The following RIF1 variants were observed in gnomAD, a reference collection of about 807,000 sequenced individuals.
RIF1 encodes replication timing regulatory factor 1.
In RIF1, 45 loss-of-function variants were observed where a neutral mutation model predicts 247.1. The observed-to-expected ratio is 0.18, with a 90% CI of 0.14 to 0.23. The LOEUF is 0.23. Ranked by LOEUF, RIF1 falls within the 10% of genes least tolerant of loss-of-function variation. RIF1 has a pLI of 1.00. For synonymous variants in RIF1, 1,087 were observed against 978.8 expected (o/e 1.11, Z -2.06); for missense variants, 2,967 against 2,862.5 (o/e 1.04, Z -0.83).
At chr2:151,512,368 C>T (rs145672571), downstream of RIF1, among the ~76,000 whole-genome samples, 42 of 151,234 alleles carry the variant, frequency 2.8e-4, no homozygotes, top group African/African-American at 9.0e-4. Context: ...CACCCTGTCA[C>T]CCAGGGGACT....
chr2:151,516,370 G>T, the RIF1 span: 2 of 811,670 alleles, frequency 2.5e-6, no homozygotes. Flanking sequence ...ACCACTTTTG[G>T]ATGACAGGAA....
intron 17 of RIF1, 71 bp from the exon 18 acceptor site, chr2:151,443,458 G>A: frequency 7.0e-7 from 1 of 1,424,826 alleles, no homozygotes; most frequent in South Asian, 1.4e-5. Context: ...AGTTATTTTA[G>A]AATTTTGTTA....
rs376606463 is a variant in RIF1, at chr2:151,416,821, T to C, written c.423T>C (p.Ile141=). ...TCGTTTTTTAGGTATCCAGTATAAT[T>C]GATTCATTAGAAATACTGTTTAACA... The part of the protein sequence containing the change: ...EVVGKMVSSI[I]DSLEILFNKG... Residue 141 remains isoleucine (I), a synonymous_variant, in exon 6 of 36, where the codon ATT becomes ATC. Coordinates refer to ENST00000444746, the MANE Select transcript of RIF1 (RefSeq NM_018151.5). The C allele has an allele frequency of 3.7e-6, 6 of 1,611,162 alleles. No homozygotes were observed. The highest frequency in any genetic ancestry group is 1.1e-5 in the South Asian group (1 of 90,412).
At chr2:151,506,444 T>C (rs2068935294) in intron 13 of RIF1, 2 of 563,222 alleles carry the variant, frequency 3.6e-6, no homozygotes, top group Admixed American at 3.2e-5. Flanking sequence ...TTATACAACA[T>C]GGATCTTTCC....
chr2:151,425,911 T>C (rs1449244889), intron 8 of RIF1, among the ~76,000 whole-genome samples: 6 of 151,696 alleles, frequency 4.0e-5, no homozygotes, highest in African/African-American at 1.5e-4. Flanking sequence ...ACTTCTGAGC[T>C]CTAGAGATCC....
In RIF1 at chr2:151,475,137, C is replaced by G. The variant is rs2048867221; in HGVS notation, c.*66C>G. On this transcript the variant is annotated 3_prime_UTR_variant, in exon 36 of 36. Transcript: ENST00000444746. ...GATTTCTTGATTGAGGAAACAAGTT[C>G]TGAAATAATAGCACAATTTCAAAGA... 1 of 1,098,586 alleles carries G rather than the reference C, an allele frequency of 9.1e-7. No individual in the cohort carries two copies. Among genetic ancestry groups the G allele is most frequent in the African/African-American group, 1.6e-5 (1 of 64,482 alleles). The allele number at this position is 1,098,586 out of a possible 1,614,324, so 68.1% of individuals were successfully genotyped here. A position where few individuals can be genotyped will look rare whatever the true frequency, so the allele number is the denominator to read the frequency against.
intron 9 of RIF1, among the ~76,000 whole-genome samples, chr2:151,494,633 GT>G (rs1034174615): frequency 2.1e-4 from 31 of 150,552 alleles, no homozygotes; most frequent in African/African-American, 7.1e-4. Flanking sequence ...TCAGCTGTTT[GT>G]TTTTTTTTGT....
At chr2:151,496,699 A>AAACG (rs2060455906) in intron 10 of RIF1, among the ~76,000 whole-genome samples, 1 of 152,172 alleles carries the variant, frequency 6.6e-6, no homozygotes. Flanking sequence ...TTATCCACAC[A>AAACG]AACGGAAAAA....
intron 33 of RIF1, 130 bp from the exon 34 acceptor site, chr2:151,469,581 G>T: frequency 1.6e-6 from 1 of 617,456 alleles, no homozygotes; most frequent in Non-Finnish European, 2.5e-6. Context: ...ACATACATGT[G>T]CCTGTCTTCA....
rs534060762 is a variant in RIF1 at position 151,477,483 on chromosome 2, C to G, written c.*2412C>G. On this transcript the variant is annotated 3_prime_UTR_variant, in exon 36 of 36. Transcript: ENST00000444746. ...ATGCTGGAGTGCAATGGTGCGATCT[C>G]GGTTCACTGCAAGCTCTGCCTCCCA... 1 of 151,978 alleles carries G rather than the reference C, an allele frequency of 6.6e-6. No individual in the cohort carries two copies. The highest frequency in any genetic ancestry group is 2.1e-4 in the South Asian group (1 of 4,816). 9.4% of individuals were successfully genotyped at this position (151,978 alleles called of 1,614,324 possible). A position where few individuals can be genotyped will look rare whatever the true frequency, so the allele number is the denominator to read the frequency against.
At position 151,479,486 on chromosome 2, in the gene RIF1, GATC is replaced by G. The variant is rs1179564253; in HGVS notation, c.*4419_*4421del. On this transcript the variant is annotated 3_prime_UTR_variant, in exon 36 of 36. Coordinates refer to ENST00000444746, the MANE Select transcript of RIF1 (RefSeq NM_018151.5). ...TAAATAAATCTTGCCTTCTATTATG[GATC>G]ATCGTTATTAATAAACATGGAAAAT... The G allele has an allele frequency of 1.3e-5, 2 of 152,028 alleles. No homozygotes were observed. Among genetic ancestry groups the G allele is most frequent in the African/African-American group, 2.4e-5 (1 of 41,394 alleles). The allele number at this position is 152,028 out of a possible 1,614,324, so 9.4% of individuals were successfully genotyped here.
Position 151,477,120 on chromosome 2 carries a change from C to CTA in RIF1, c.*2050_*2051dup, listed in dbSNP as rs1196753738. On this transcript the variant is annotated 3_prime_UTR_variant, in exon 36 of 36. Transcript: ENST00000444746. ...ATATTTGGGAGCAAAGACAAGCATG[C>CTA]TAAATCTTCATTTTGCTATGGCTAT... is the stretch of plus-strand genomic sequence containing the variant. The CTA allele has an allele frequency of 6.6e-6, 1 of 152,162 alleles. No individual in the cohort carries two copies. Among genetic ancestry groups the CTA allele is most frequent in the Non-Finnish European group, 1.5e-5 (1 of 68,000 alleles). The allele number at this position is 152,162 out of a possible 1,614,324, so 9.4% of individuals were successfully genotyped here. A position where few individuals can be genotyped will look rare whatever the true frequency, so the allele number is the denominator to read the frequency against.
In RIF1 at chr2:151,464,137, A is replaced by C. The variant is rs1696579672; in HGVS notation, c.4617A>C (p.Arg1539Ser). Residue 1539 changes from arginine to serine, a missense_variant, in exon 30 of 36, where the codon AGA becomes AGC. Transcript: ENST00000444746. Reference protein sequence around the residue: ...LVRGRTRYQTRRASQGLLSSI... With the variant: ...LVRGRTRYQTSRASQGLLSSI... ...GAGGCCGAACACGGTATCAAACTAG[A>C]AGAGCATCTCAGGGTTTGCTTTCCA... 3.1e-6 allele frequency: 5 copies of C among 1,611,194 alleles called. No homozygotes were observed. Among genetic ancestry groups the C allele is most frequent in the Non-Finnish European group, 4.2e-6 (5 of 1,179,366 alleles).
At chr2:151,499,265 A>C (rs1210235709) in intron 10 of RIF1, 12 of 1,117,012 alleles carry the variant, frequency 1.1e-5, no homozygotes, top group Non-Finnish European at 1.5e-5. Context: ...ACATTTTTTT[A>C]AATAATTAAA....
intron 11 of RIF1, among the ~76,000 whole-genome samples, chr2:151,501,792 C>T (rs942309677): frequency 1.3e-5 from 2 of 151,916 alleles, no homozygotes; most frequent in Non-Finnish European, 2.9e-5. Flanking sequence ...AATTAATATC[C>T]ATGAGTTGTT....
chr2:151,458,745 A>T, intron 24 of RIF1, 66 bp from the exon 25 acceptor site: 1 of 799,782 alleles, frequency 1.3e-6, no homozygotes, highest in Non-Finnish European at 2.0e-6. Context: ...TGCTGTTGTT[A>T]ACAGATCATC....
chr2:151,507,068 T>C, intron 13 of RIF1: 1 of 1,088,420 alleles, frequency 9.2e-7, no homozygotes, highest in Non-Finnish European at 1.4e-6. Context: ...TTGTTTTCTT[T>C]ATTTGTCCTA....
At chr2:151,456,474 T>G in intron 22 of RIF1, 104 bp from the exon 23 acceptor site, 1 of 643,216 alleles carries the variant, frequency 1.6e-6, no homozygotes, top group African/African-American at 1.9e-5. Flanking sequence ...ATCATCAATT[T>G]ATATTTATTA....
At chr2:151,432,943 G>C in intron 9 of RIF1, 134 bp from the exon 10 acceptor site, 2 of 625,504 alleles carry the variant, frequency 3.2e-6, no homozygotes, top group Non-Finnish European at 5.1e-6. Flanking sequence ...AGCAAGGACA[G>C]CCTGGGGATT....
Sources: gnomAD v4.1 joint callset for allele counts (sites outside exome capture counted in the v4.1 genomes callset) on GRCh38, gnomAD v4.1.1 for gene constraint, MANE v1.5 for transcripts, NCBI Gene and HGNC (gene_info 2026-07-23, HGNC 2026-07-21) for gene names.